Variants in PFKP observed in about 807,000 individuals in gnomAD.
PFKP encodes ATP-dependent 6-phosphofructokinase, platelet type.
PFKP carries 101 observed loss-of-function variants against 94.3 expected under a neutral mutation model. The observed-to-expected ratio is 1.07, with a 90% CI of 0.91 to 1.26. The LOEUF (loss-of-function observed/expected upper bound fraction) is 1.26, where lower values mean the gene tolerates loss of function less well. Ranked by LOEUF, PFKP falls within the 50% of genes most tolerant of loss-of-function variation. The pLI is 0.00. For synonymous variants in PFKP, 573 were observed against 432.6 expected (o/e 1.32, Z -4.03); for missense variants, 1,145 against 1,103.3 (o/e 1.04, Z -0.53).
intron 14 of PFKP, among the ~76,000 whole-genome samples, chr10:3,117,930 C>T (rs1165841472): frequency 6.6e-6 from 1 of 152,122 alleles, no homozygotes; most frequent in Non-Finnish European, 1.5e-5. Context: ...AACGTTTTTG[C>T]CCTACGGTGT....
In PFKP at chr10:3,136,616, A is replaced by T. The variant is rs771019036; in HGVS notation, c.*37A>T. 3 of 1,605,120 alleles carry T rather than the reference A, an allele frequency of 1.9e-6. No individual in the cohort carries two copies. The highest frequency in any genetic ancestry group is 2.6e-6 in the Non-Finnish European group (3 of 1,173,748). On this transcript the variant is annotated 3_prime_UTR_variant, in exon 22 of 22. Coordinates refer to ENST00000381125, the MANE Select transcript of PFKP (RefSeq NM_002627.5). Reference sequence around the variant, plus strand: ...CTGCATGTGCCTGCAGCCACCGTGGACTGTCTGTTTTTGTAACACTTAAGT... The same window carrying T: ...CTGCATGTGCCTGCAGCCACCGTGGTCTGTCTGTTTTTGTAACACTTAAGT...
intron 21 of PFKP, among the ~76,000 whole-genome samples, 180 bp from the exon 22 acceptor site, chr10:3,136,270 T>G (rs1481067127): frequency 2.0e-5 from 3 of 152,166 alleles, no homozygotes; most frequent in Admixed American, 1.3e-4. Flanking sequence ...CCACTGGGTC[T>G]TCGGGAATAA....
intron 2 of PFKP, among the ~76,000 whole-genome samples, chr10:3,084,188 G>T (rs1179123777): frequency 1.3e-5 from 2 of 152,220 alleles, no homozygotes; most frequent in Non-Finnish European, 2.9e-5. Flanking sequence ...ATGATGGCTT[G>T]GGATGCCTCT....
intron 2 of PFKP, among the ~76,000 whole-genome samples, chr10:3,096,419 T>A (rs375962605): frequency 6.6e-5 from 10 of 152,206 alleles, no homozygotes; most frequent in East Asian, 1.9e-4. Flanking sequence ...GCAACAGCTC[T>A]GGGTGTGGGA....
intron 5 of PFKP, 135 bp downstream of exon 5, chr10:3,104,079 T>C (rs1835302504): frequency 1.4e-6 from 1 of 699,898 alleles, no homozygotes; most frequent in Non-Finnish European, 2.3e-6. Flanking sequence ...TTTTAGGAGC[T>C]ATTGCCAGAA....
intron 1 of PFKP, among the ~76,000 whole-genome samples, chr10:3,068,241 G>C (rs1831889016): frequency 6.6e-6 from 1 of 152,122 alleles, no homozygotes; most frequent in Non-Finnish European, 1.5e-5. Flanking sequence ...GGGTCCCCGC[G>C]CGCCTCCTGT....
In PFKP at chr10:3,122,667, C is replaced by T. The variant is rs77385088; in HGVS notation, c.1683+2623C>T. 3.0e-4 allele frequency among the ~76,000 whole-genome samples: 46 copies of T among 152,314 alleles called. No homozygotes were observed. In the East Asian group the frequency reaches 3.9e-3, roughly 13 times the overall value. ...TGGGAGTGAGCGTCTCTTCCCTGTCCGGCCACACCCTCTGTGACTGGTGAC... is the reference window on the plus strand; with the variant it reads ...TGGGAGTGAGCGTCTCTTCCCTGTCTGGCCACACCCTCTGTGACTGGTGAC... On this transcript the variant is annotated intron_variant, in intron 16 of 21. Coordinates refer to ENST00000381125, the MANE Select transcript of PFKP (RefSeq NM_002627.5).
intron 16 of PFKP, among the ~76,000 whole-genome samples, chr10:3,123,636 G>T (rs1433275241): frequency 6.6e-6 from 1 of 152,198 alleles, no homozygotes; most frequent in Non-Finnish European, 1.5e-5. Flanking sequence ...AGCCAGTCTT[G>T]GTCAGTCCTG....
intron 1 of PFKP, among the ~76,000 whole-genome samples, chr10:3,080,851 T>C (rs943271115): frequency 6.6e-6 from 1 of 152,106 alleles, no homozygotes; most frequent in Admixed American, 6.5e-5. Flanking sequence ...GTTGGTTGTA[T>C]GGGCAGGAGC....
At chr10:3,113,575 C>G in intron 13 of PFKP, 57 bp downstream of exon 13, 1 of 1,536,284 alleles carries the variant, frequency 6.5e-7, no homozygotes, top group Non-Finnish European at 8.8e-7. Context: ...GCACAGTGGA[C>G]GTGGCGGCGG....
At chr10:3,127,264 T>G (rs1431074796) in intron 16 of PFKP, among the ~76,000 whole-genome samples, 3 of 152,226 alleles carry the variant, frequency 2.0e-5, no homozygotes, top group Non-Finnish European at 4.4e-5. Context: ...GAGCACACAG[T>G]CGGGGGCGTG....
rs569673752 is a variant in PFKP, at chr10:3,097,010, G to A, written c.187-2265G>A. On this transcript the variant is annotated intron_variant, in intron 2 of 21. Transcript: ENST00000381125. ...GGAGAATGGCAGGAACCCGGGAGGC[G>A]GAGCTTGCAATGAGCCAAGATCACG... 1.7e-5 allele frequency among the ~76,000 whole-genome samples: 2 copies of A among 117,972 alleles called. 1 individual carries two copies. The highest frequency in any genetic ancestry group is 6.7e-5 in the African/African-American group (2 of 29,816). 77.4% of individuals were successfully genotyped at this position (117,972 alleles called of 152,430 possible).
intron 1 of PFKP, chr10:3,068,782 T>C: frequency 1.3e-6 from 1 of 793,980 alleles, no homozygotes; most frequent in Non-Finnish European, 1.5e-6. Flanking sequence ...CCTGGGAGCC[T>C]TAGCGATCGC....
At chr10:3,121,890 C>T (rs1196479077) in intron 16 of PFKP, among the ~76,000 whole-genome samples, 1 of 137,192 alleles carries the variant, frequency 7.3e-6, no homozygotes. Flanking sequence ...GCTGCAATCG[C>T]TATTCACTGC....
intron 2 of PFKP, among the ~76,000 whole-genome samples, chr10:3,090,486 CA>C (rs1438719051): frequency 6.6e-6 from 1 of 152,170 alleles, no homozygotes; most frequent in Non-Finnish European, 1.5e-5. Flanking sequence ...GGTGTGTGGC[CA>C]GGTAGGGAAA....
Position 3,134,264 on chromosome 10 carries a change from G to T in PFKP, c.2023-219G>T, listed in dbSNP as rs2306312. ...ATGAAGATTGTTAGTTGACTTGTTC[G>T]GTTTATTAAAATCCTCATCTTACTG... On this transcript the variant is annotated intron_variant, in intron 19 of 21. Coordinates refer to ENST00000381125, the MANE Select transcript of PFKP (RefSeq NM_002627.5). 1.1e-4 allele frequency among the ~76,000 whole-genome samples: 17 copies of T among 152,194 alleles called. 1 individual carries two copies. Among genetic ancestry groups the T allele is most frequent in the African/African-American group, 4.1e-4 (17 of 41,500 alleles).
chr10:3,130,087 G>C, intron 17 of PFKP, 104 bp downstream of exon 17: 1 of 1,019,504 alleles, frequency 9.8e-7, no homozygotes, highest in East Asian at 2.6e-5. Context: ...GGGGCATGGA[G>C]ATGGAGATGC....
At chr10:3,083,951 C>T (rs987491875) in intron 2 of PFKP, among the ~76,000 whole-genome samples, 2 of 152,282 alleles carry the variant, frequency 1.3e-5, no homozygotes, top group East Asian at 1.9e-4. Context: ...CCAACTGTTG[C>T]TTTAAATGTC....
At chr10:3,134,880 TCA>T (rs1488547843) in intron 20 of PFKP, among the ~76,000 whole-genome samples, 1 of 152,214 alleles carries the variant, frequency 6.6e-6, no homozygotes, top group East Asian at 1.9e-4. Context: ...CAATTTCCCC[TCA>T]CAGTTTAAGT....
Sources: gnomAD v4.1 joint callset for allele counts (sites outside exome capture counted in the v4.1 genomes callset) on GRCh38, gnomAD v4.1.1 for gene constraint, MANE v1.5 for transcripts, NCBI Gene and HGNC (gene_info 2026-07-23, HGNC 2026-07-21) for gene names.